Variants in CNKSR2 observed in about 807,000 individuals in gnomAD.
The protein encoded by CNKSR2 is CNK homolog protein 2.
Under a neutral mutation model 84.4 loss-of-function variants are expected in CNKSR2, and 14 were observed. The observed-to-expected ratio is 0.17, with a 90% CI of 0.11 to 0.26. The LOEUF is 0.26. Among genes scored for constraint, CNKSR2 ranks in the 10% least tolerant of loss-of-function variants. The pLI is 1.00. For synonymous variants in CNKSR2, 275 were observed against 277.9 expected, an observed-to-expected ratio of 0.99 and a Z score of 0.10; for missense variants, 485 against 771.2, an observed-to-expected ratio of 0.63 and a Z score of 4.40.
chrX:21,531,102 G>A (rs1329637255), intron 10 of CNKSR2, among the ~76,000 whole-genome samples: 5 of 110,860 alleles, frequency 4.5e-5, no homozygotes, highest in East Asian at 5.7e-4. Flanking sequence ...AATGAGATAC[G>A]TAGAGTTTGA....
At position 21,409,228 on chromosome X, in the gene CNKSR2, T is replaced by TTATA. The variant is rs57301315; in HGVS notation, c.65-17221_65-17218dup. Among the ~76,000 whole-genome samples, 72 of 38,431 alleles carry TTATA rather than the reference T, an allele frequency of 1.9e-3. 1 individual carries two copies. Among genetic ancestry groups the TTATA allele is most frequent in the African/African-American group, 2.9e-3 (33 of 11,330 alleles). 33.4% of individuals were successfully genotyped at this position (38,431 alleles called of 115,157 possible). ...AAACCTTACATAAAAAATGAAAAAA[T>TTATA]TATATATATATATATATATATATAT... On this transcript the variant is annotated intron_variant, in intron 1 of 21. Transcript: ENST00000379510.
intron 1 of CNKSR2, chrX:21,423,420 A>T (rs1324349705): frequency 8.9e-6 from 1 of 112,014 alleles, no homozygotes; most frequent in Non-Finnish European, 1.9e-5. Context: ...ATTCAGCATC[A>T]ATTCTTCTAT....
At chrX:21,388,774 G>A (rs2146960903) in intron 1 of CNKSR2, among the ~76,000 whole-genome samples, 1 of 111,178 alleles carries the variant, frequency 9.0e-6, no homozygotes, top group African/African-American at 3.3e-5. Context: ...ACCACAAAGA[G>A]GTGGCACTTA....
At chrX:21,649,713 G>A (rs1405837370) in intron 21 of CNKSR2, among the ~76,000 whole-genome samples, 1 of 111,413 alleles carries the variant, frequency 9.0e-6, no homozygotes, top group African/African-American at 3.3e-5. Context: ...TGTGTGTGGG[G>A]GAGTGTGGGA....
chrX:21,552,177 A>G (rs911502131), intron 11 of CNKSR2, among the ~76,000 whole-genome samples: 1 of 111,445 alleles, frequency 9.0e-6, no homozygotes, highest in East Asian at 2.8e-4. Context: ...TCAGATCACA[A>G]TATGACTTAA....
chrX:21,533,633 C>T (rs956127095), intron 11 of CNKSR2, among the ~76,000 whole-genome samples: 1 of 111,234 alleles, frequency 9.0e-6, no homozygotes, highest in Non-Finnish European at 1.9e-5. Flanking sequence ...CCACAAATCT[C>T]CCCCGACTAG....
At chrX:21,441,828 C>G (rs1048526182) in intron 4 of CNKSR2, among the ~76,000 whole-genome samples, 3 of 111,819 alleles carry the variant, frequency 2.7e-5, no homozygotes, top group African/African-American at 9.7e-5. Context: ...TTCAAGAAAT[C>G]TCTTCTGAAC....
chrX:21,405,414 A>G (rs2090250868), intron 1 of CNKSR2, among the ~76,000 whole-genome samples: 1 of 111,555 alleles, frequency 9.0e-6, no homozygotes, highest in South Asian at 3.7e-4. Flanking sequence ...TTTTTTACCT[A>G]TTGTGAATAG....
intron 1 of CNKSR2, among the ~76,000 whole-genome samples, chrX:21,403,708 A>G (rs2090224254): frequency 8.9e-6 from 1 of 111,866 alleles, no homozygotes; most frequent in Non-Finnish European, 1.9e-5. Flanking sequence ...TGTATTAAAT[A>G]CCTTCTGTGA....
intron 19 of CNKSR2, chrX:21,607,945 A>G (rs1257097446): frequency 9.0e-6 from 1 of 111,254 alleles, no homozygotes; most frequent in African/African-American, 3.3e-5. Flanking sequence ...CCATCTCAGT[A>G]TTACTCCAGG....
chrX:21,385,781 A>C (rs1215887102), intron 1 of CNKSR2, among the ~76,000 whole-genome samples: 3 of 111,497 alleles, frequency 2.7e-5, no homozygotes, highest in Non-Finnish European at 5.7e-5. Flanking sequence ...TGTCCTCTCC[A>C]TCAGACCTAC....
At chrX:21,491,331 G>A (rs186718450) in intron 6 of CNKSR2, 117 of 111,741 alleles carry the variant, frequency 1.0e-3, no homozygotes, top group African/African-American at 3.6e-3. Context: ...GTGCTATAGT[G>A]TTTCCACTTT....
At chrX:21,553,343 C>T (rs1259100803) in intron 11 of CNKSR2, among the ~76,000 whole-genome samples, 2 of 110,696 alleles carry the variant, frequency 1.8e-5, no homozygotes, top group Non-Finnish European at 3.8e-5. Context: ...TACCCTGAAA[C>T]TTCTTTAGTT....
At chrX:21,604,663 A>T (rs1258966380) in intron 18 of CNKSR2, among the ~76,000 whole-genome samples, 1 of 111,111 alleles carries the variant, frequency 9.0e-6, no homozygotes, top group African/African-American at 3.3e-5. Flanking sequence ...AACGCCTTGA[A>T]GGCATCAGTG....
chrX:21,511,115 A>C (rs1457075320), intron 8 of CNKSR2, among the ~76,000 whole-genome samples: 1 of 111,186 alleles, frequency 9.0e-6, no homozygotes, highest in Admixed American at 9.6e-5. Flanking sequence ...ATAAAGTAAA[A>C]TTTTTCCAGG....
intron 9 of CNKSR2, 106 bp from the exon 10 acceptor site, chrX:21,526,758 GATA>G: frequency 2.8e-6 from 2 of 717,424 alleles, no homozygotes; most frequent in Non-Finnish European, 4.1e-6. Flanking sequence ...TGCAGAAATA[GATA>G]ATTTTAAAAT....
intron 11 of CNKSR2, among the ~76,000 whole-genome samples, chrX:21,540,221 C>T (rs898095404): frequency 8.9e-6 from 1 of 111,841 alleles, no homozygotes; most frequent in Non-Finnish European, 1.9e-5. Flanking sequence ...GTACACATGA[C>T]ATTTATGCTG....
chrX:21,457,709 A>G (rs2091011795), intron 4 of CNKSR2, among the ~76,000 whole-genome samples: 1 of 111,812 alleles, frequency 8.9e-6, no homozygotes, highest in Non-Finnish European at 1.9e-5. Context: ...GTATGGAGAC[A>G]CTGCAAGTAC....
intron 5 of CNKSR2, among the ~76,000 whole-genome samples, chrX:21,481,893 C>T (rs2091323875): frequency 9.0e-6 from 1 of 111,517 alleles, no homozygotes; most frequent in African/African-American, 3.3e-5. Context: ...CTGCTGACAA[C>T]CTGAATGAAC....
Sources: allele counts gnomAD v4.1 joint callset (sites outside exome capture counted in the v4.1 genomes callset), GRCh38; gene constraint gnomAD v4.1.1; transcripts MANE v1.5; gene names NCBI Gene and HGNC (gene_info 2026-07-23, HGNC 2026-07-21).